PCDHB9: variants seen among roughly 807,000 people sequenced by gnomAD.
PCDHB9 encodes the protein protocadherin beta 9.
For missense variants in PCDHB9, 1,072 were observed against 995.1 expected (o/e 1.08, Z -1.04); for synonymous variants, 501 against 439.7 (o/e 1.14, Z -1.75).
Position 141,188,490 on chromosome 5 carries a change from T to A in PCDHB9, c.1172T>A (p.Phe391Tyr). The change falls in exon 1 of 1, where the codon TTT becomes TAT. Residue 391 changes from phenylalanine to tyrosine, a missense_variant. Coordinates refer to ENST00000316105, the MANE Select transcript of PCDHB9 (RefSeq NM_019119.5). ...TGCTATGTTCAAGATAATCTGCCTT[T>A]TTTTCTGAAACCGTCTGTTGACAAT... ...TICYVQDNLP[F>Y]FLKPSVDNFY... is the part of the protein sequence containing the mutation. 1 of 1,614,180 alleles carries A rather than the reference T, an allele frequency of 6.2e-7. No homozygotes were observed. Among genetic ancestry groups the A allele is most frequent in the African/African-American group, 1.3e-5 (1 of 75,044 alleles).
chr5:141,189,024 C>A lies in PCDHB9; in HGVS notation c.1706C>A (p.Ser569Tyr), dbSNP rs572248291. The A allele has an allele frequency of 7.5e-5, 121 of 1,609,852 alleles. 1 individual carries two copies. The East Asian group carries it at 2.6e-3, about 35-fold the overall frequency. Residue 569 changes from serine to tyrosine, a missense_variant, in exon 1 of 1, where the codon TCC (serine) becomes TAC (tyrosine). Transcript: ENST00000316105. ...GTGCTGTACCCGCTGCAGAACGGCTCCGCGCCCTGCACCGAGCTGGTGCCC... is the reference window on the plus strand; with the variant it reads ...GTGCTGTACCCGCTGCAGAACGGCTACGCGCCCTGCACCGAGCTGGTGCCC... Reference protein sequence around the residue: ...PFVLYPLQNGSAPCTELVPRA... With the variant: ...PFVLYPLQNGYAPCTELVPRA...
Position 141,187,237 on chromosome 5 carries a change from T to G in PCDHB9, c.-82T>G. 1 of 1,407,706 alleles carries G rather than the reference T, an allele frequency of 7.1e-7. No individual in the cohort carries two copies. Among genetic ancestry groups the G allele is most frequent in the South Asian group, 1.4e-5 (1 of 73,924 alleles). 87.2% of individuals were successfully genotyped at this position (1,407,706 alleles called of 1,614,324 possible). On this transcript the variant is annotated 5_prime_UTR_variant, in exon 1 of 1. Transcript: ENST00000316105. ...GGAAAAATTAAAAACCCTAGATCTC[T>G]GGTACACATAAGTCTGGGTTTGCGA... is the stretch of plus-strand genomic sequence containing the variant.
At position 141,190,182 on chromosome 5, in the gene PCDHB9, GT is replaced by G. The variant is rs368429004; in HGVS notation, c.*484del. On this transcript the variant is annotated 3_prime_UTR_variant, in exon 1 of 1. Transcript: ENST00000316105. ...TGTTTGTTTGTTTTTTGGTTTGTTT[GT>G]TTTTTTTTTTTTTGAGACGGAGTCT... The G allele has an allele frequency of 0.018, 2,444 of 139,546 alleles. 42 individuals are homozygous for G. The highest frequency in any genetic ancestry group is 0.034 in the Middle Eastern group (9 of 266). 8.6% of individuals were successfully genotyped at this position (139,546 alleles called of 1,614,324 possible). A position where few individuals can be genotyped will look rare whatever the true frequency, so the allele number is the denominator to read the frequency against.
Position 141,189,551 on chromosome 5 carries a change from C to T in PCDHB9, c.2233C>T (p.Leu745=). ...HLVDVSGTGT[L]FQSYQYEVCL... ...GGTGGACGTGAGCGGCACCGGGACC[C>T]TGTTCCAGAGCTACCAGTACGAGGT... Residue 745 remains leucine (L), a synonymous_variant, in exon 1 of 1, where the codon CTG becomes TTG. Transcript: ENST00000316105. 2 of 1,614,076 alleles carry T rather than the reference C, an allele frequency of 1.2e-6. No individual in the cohort carries two copies. Among genetic ancestry groups the T allele is most frequent in the Non-Finnish European group, 1.7e-6 (2 of 1,180,010 alleles).
rs782644481 is a variant in PCDHB9, at chr5:141,188,362, C to CAT, written c.1047_1048dup (p.Ser350TyrfsTer15). The CAT allele has an allele frequency of 4.3e-6, 7 of 1,614,036 alleles. No individual in the cohort carries two copies. In the Admixed American group the frequency reaches 8.3e-5, roughly 19 times the overall value. ...CCAATGACAATCCTCCTGAACTGAT[C>CAT]ATATCATCACTTTCCAACTCTGTTG... is the stretch of plus-strand genomic sequence containing the variant. On this transcript the variant is annotated frameshift_variant, in exon 1 of 1. Coordinates refer to ENST00000316105, the MANE Select transcript of PCDHB9 (RefSeq NM_019119.5). LOFTEE classifies it low-confidence loss of function (END_TRUNC).
At position 141,188,149 on chromosome 5, in the gene PCDHB9, A is replaced by G. The variant is rs1753787236; in HGVS notation, c.831A>G (p.Val277=). The change falls in exon 1 of 1, where the codon GTA becomes GTG. Residue 277 remains valine (V), a synonymous_variant. Transcript: ENST00000316105. ...CAGACTCAGGAGTCAATGCAGAAGTATCCTATTCATTTTTTGATGCTTCTG... is the reference window on the plus strand; with the variant it reads ...CAGACTCAGGAGTCAATGCAGAAGTGTCCTATTCATTTTTTGATGCTTCTG... ...GDADSGVNAE[V]SYSFFDASED... 6.2e-7 allele frequency: 1 copy of G among 1,611,378 alleles called. No individual in the cohort carries two copies. The highest frequency in any genetic ancestry group is 8.5e-7 in the Non-Finnish European group (1 of 1,178,340).
rs1588368836 is a variant in PCDHB9 at position 141,190,392 on chromosome 5, G to T, written c.*680G>T. ...CGGGTTTCATCATGGTGGCCAGGAT[G>T]GTCTATCTCTTGACCTCGTGATCCA... On this transcript the variant is annotated 3_prime_UTR_variant, in exon 1 of 1. Transcript: ENST00000316105. 3 of 151,768 alleles carry T rather than the reference G, an allele frequency of 2.0e-5. No homozygotes were observed. The highest frequency in any genetic ancestry group is 1.9e-4 in the East Asian group (1 of 5,174). 9.4% of individuals were successfully genotyped at this position (151,768 alleles called of 1,614,324 possible).
Position 141,187,333 on chromosome 5 carries a change from G to T in PCDHB9, c.15G>T (p.Gly5=), listed in dbSNP as rs782323442. The change falls in exon 1 of 1, where the codon GGG becomes GGT. Residue 5 remains glycine (G), a synonymous_variant. Transcript: ENST00000316105. MKTR[G]FSFPRQRQVL... ...AAGAAGCAGCTATGAAGACCAGGGG[G>T]TTCAGCTTTCCAAGACAAAGGCAAG... 16 of 1,613,772 alleles carry T rather than the reference G, an allele frequency of 9.9e-6. No individual in the cohort carries two copies. In the South Asian group the frequency reaches 1.1e-4, roughly 11 times the overall value.
rs1554283194 is a variant in PCDHB9 at position 141,189,027 on chromosome 5, C to G, written c.1709C>G (p.Ala570Gly). The G allele has an allele frequency of 6.2e-7, 1 of 1,609,468 alleles. No homozygotes were observed. The highest frequency in any genetic ancestry group is 1.3e-5 in the African/African-American group (1 of 74,962). ...CTGTACCCGCTGCAGAACGGCTCCG[C>G]GCCCTGCACCGAGCTGGTGCCCCGG... ...FVLYPLQNGSAPCTELVPRAA... is the reference protein window; with the variant it reads ...FVLYPLQNGSGPCTELVPRAA... The change falls in exon 1 of 1, where the codon GCG (alanine) becomes GGG (glycine). Residue 570 changes from alanine (A) to glycine (G), a missense_variant. Ala to Gly is a moderately conservative substitution (Grantham distance 60, BLOSUM62 0). Transcript: ENST00000316105.
At position 141,187,311 on chromosome 5, in the gene PCDHB9, A is replaced by C. The variant is rs782694587; in HGVS notation, c.-8A>C. 191 of 1,610,492 alleles carry C rather than the reference A, an allele frequency of 1.2e-4. 1 individual carries two copies. In the Admixed American group the frequency reaches 3.2e-3, roughly 27 times the overall value. On this transcript the variant is annotated 5_prime_UTR_variant, in exon 1 of 1. Coordinates refer to ENST00000316105, the MANE Select transcript of PCDHB9 (RefSeq NM_019119.5). ...TGATTGAGACTGACATTGAGGAAAGAAGCAGCTATGAAGACCAGGGGGTTC... is the reference window on the plus strand; with the variant it reads ...TGATTGAGACTGACATTGAGGAAAGCAGCAGCTATGAAGACCAGGGGGTTC...
chr5:141,188,529 T>G lies in PCDHB9; in HGVS notation c.1211T>G (p.Met404Arg), dbSNP rs377473542. ...KPSVDNFYIL[M>R]TEGALDRESK... ...TCTGTTGACAATTTTTACATCCTAATGACTGAAGGTGCACTGGACAGAGAG... is the reference window on the plus strand; with the variant it reads ...TCTGTTGACAATTTTTACATCCTAAGGACTGAAGGTGCACTGGACAGAGAG... Residue 404 changes from methionine (M) to arginine (R), a missense_variant, in exon 1 of 1, where the codon ATG becomes AGG. Transcript: ENST00000316105. The G allele has an allele frequency of 8.1e-6, 13 of 1,614,204 alleles. No homozygotes were observed. Among genetic ancestry groups the G allele is most frequent in the Non-Finnish European group, 1.1e-5 (13 of 1,180,038 alleles).
In PCDHB9 at chr5:141,190,562, C is replaced by A. The variant is rs1753879095; in HGVS notation, c.*850C>A. The stretch of plus-strand genomic sequence containing the variant: ...TCCCTATTTGAAATATAATGTTTCT[C>A]TTGTAAGTGATATGATAAATAAACC... On this transcript the variant is annotated 3_prime_UTR_variant, in exon 1 of 1. Transcript: ENST00000316105. The A allele has an allele frequency of 6.7e-6, 1 of 148,288 alleles. No homozygotes were observed. Among genetic ancestry groups the A allele is most frequent in the African/African-American group, 2.5e-5 (1 of 39,914 alleles). The allele number at this position is 148,288 out of a possible 1,614,324, so 9.2% of individuals were successfully genotyped here. A position where few individuals can be genotyped will look rare whatever the true frequency, so the allele number is the denominator to read the frequency against.
rs782624224 is a variant in PCDHB9, at chr5:141,189,597, A to G, written c.2279A>G (p.Glu760Gly). 16 of 1,613,928 alleles carry G rather than the reference A, an allele frequency of 9.9e-6. No individual in the cohort carries two copies. The Admixed American group carries it at 1.3e-4, about 13-fold the overall frequency. ...GAGGTGTGTCTGACTGGAGGTTCAG[A>G]GACCGGCGAGTTCAAGTTCTTGAAG... ...QYEVCLTGGS[E>G]TGEFKFLKPI... Residue 760 changes from glutamate to glycine, a missense_variant, in exon 1 of 1, where the codon GAG becomes GGG. Coordinates refer to ENST00000316105, the MANE Select transcript of PCDHB9 (RefSeq NM_019119.5).
chr5:141,189,638 C>G lies in PCDHB9; in HGVS notation c.2320C>G (p.Leu774Val). 6.2e-7 allele frequency: 1 copy of G among 1,614,122 alleles called. No homozygotes were observed. Among genetic ancestry groups the G allele is most frequent in the Non-Finnish European group, 8.5e-7 (1 of 1,180,012 alleles). ...GTTCTTGAAGCCGATTACCCCCCAC[C>G]TCCCGCCCCATAGGGGTGGGAAAGA... ...FKFLKPITPH[L>V]PPHRGGKEIE... The change falls in exon 1 of 1, where the codon CTC becomes GTC. Residue 774 changes from leucine (L) to valine (V), a missense_variant. By Grantham distance (32) the Leu-to-Val change is conservative. Coordinates refer to ENST00000316105, the MANE Select transcript of PCDHB9 (RefSeq NM_019119.5).
Position 141,191,461 on chromosome 5 carries a change from CTT to C in PCDHB9, c.*1750_*1751del, listed in dbSNP as rs1392674596. ...GGGACCTTAAAATAAGGATCAATCT[CTT>C]ATTTAACCCTGTAAGTTACTTTAAA... is the stretch of plus-strand genomic sequence containing the variant. On this transcript the variant is annotated 3_prime_UTR_variant, in exon 1 of 1. Coordinates refer to ENST00000316105, the MANE Select transcript of PCDHB9 (RefSeq NM_019119.5). 3 of 152,108 alleles carry C rather than the reference CTT, an allele frequency of 2.0e-5. No homozygotes were observed. Among genetic ancestry groups the C allele is most frequent in the Non-Finnish European group, 4.4e-5 (3 of 68,030 alleles). The allele number at this position is 152,108 out of a possible 1,614,324, so 9.4% of individuals were successfully genotyped here. A position where few individuals can be genotyped will look rare whatever the true frequency, so the allele number is the denominator to read the frequency against.
In PCDHB9 at chr5:141,189,947, AT is replaced by A. The variant is rs1349441131; in HGVS notation, c.*240del. The A allele has an allele frequency of 7.4e-6, 3 of 405,492 alleles. No homozygotes were observed. Among genetic ancestry groups the A allele is most frequent in the East Asian group, 7.6e-5 (2 of 26,188 alleles). The allele number at this position is 405,492 out of a possible 1,614,324, so 25.1% of individuals were successfully genotyped here. On this transcript the variant is annotated 3_prime_UTR_variant, in exon 1 of 1. Transcript: ENST00000316105. The stretch of plus-strand genomic sequence containing the variant: ...TTTTCAAAGTTGATATCATTTAAAA[AT>A]TTTTGGTCGTTTTAAATGTCTTTAT...
chr5:141,188,648 G>C lies in PCDHB9; in HGVS notation c.1330G>C (p.Val444Leu), dbSNP rs782390094. 9.3e-6 allele frequency: 15 copies of C among 1,614,108 alleles called. No homozygotes were observed. The highest frequency in any genetic ancestry group is 1.2e-5 in the Non-Finnish European group (14 of 1,180,018). ...CAGCATAACCCTGCAGGTCTCCGAC[G>C]TCAATGACAACGCCCCCGCCTTCAC... ...EHSITLQVSD[V>L]NDNAPAFTQT... Residue 444 changes from valine to leucine, a missense_variant, in exon 1 of 1, where the codon GTC (valine) becomes CTC (leucine). Coordinates refer to ENST00000316105, the MANE Select transcript of PCDHB9 (RefSeq NM_019119.5).
rs1316759765 is a variant in PCDHB9 at position 141,189,161 on chromosome 5, T to C, written c.1843T>C (p.Phe615Leu). 18 of 1,601,426 alleles carry C rather than the reference T, an allele frequency of 1.1e-5. No individual in the cohort carries two copies. Among genetic ancestry groups the C allele is most frequent in the Non-Finnish European group, 1.5e-5 (18 of 1,179,148 alleles). ...GCTCAAGGCCACGGAGCCCGGGCTG[T>C]TCGGTGTGTGGGCGCACAATGGGGA... Reference protein sequence around the residue: ...QLLKATEPGLFGVWAHNGEVR... With the variant: ...QLLKATEPGLLGVWAHNGEVR... The change falls in exon 1 of 1, where the codon TTC becomes CTC. Residue 615 changes from phenylalanine (F) to leucine (L), a missense_variant. By Grantham distance (22) the Phe-to-Leu change is conservative. Coordinates refer to ENST00000316105, the MANE Select transcript of PCDHB9 (RefSeq NM_019119.5).
At position 141,190,181 on chromosome 5, in the gene PCDHB9, T is replaced by TG. The variant is rs1194271372; in HGVS notation, c.*470dup. 1 of 123,824 alleles carries TG rather than the reference T, an allele frequency of 8.1e-6. No homozygotes were observed. The highest frequency in any genetic ancestry group is 9.1e-5 in the Admixed American group (1 of 11,016). 7.7% of individuals were successfully genotyped at this position (123,824 alleles called of 1,614,324 possible). A position where few individuals can be genotyped will look rare whatever the true frequency, so the allele number is the denominator to read the frequency against. On this transcript the variant is annotated 3_prime_UTR_variant, in exon 1 of 1. Coordinates refer to ENST00000316105, the MANE Select transcript of PCDHB9 (RefSeq NM_019119.5). The stretch of plus-strand genomic sequence containing the variant: ...TTGTTTGTTTGTTTTTTGGTTTGTT[T>TG]GTTTTTTTTTTTTTTGAGACGGAGT...
Sources: gnomAD v4.1 joint callset for allele counts on GRCh38, gnomAD v4.1.1 for gene constraint, MANE v1.5 for transcripts, NCBI Gene and HGNC (gene_info 2026-07-23, HGNC 2026-07-21) for gene names.